The following ADAMTSL1 variants were observed in gnomAD, a reference collection of about 807,000 sequenced individuals.
ADAMTSL1 encodes the protein ADAMTS-like protein 1.
Under a neutral mutation model 201.8 loss-of-function variants are expected in ADAMTSL1, and 126 were observed. The ratio of observed to expected loss-of-function variants is 0.62; its 90% CI spans 0.54 to 0.72. The LOEUF is 0.72. ADAMTSL1 is among the 30% of genes least tolerant of loss of function. The pLI is 0.00. For synonymous variants in ADAMTSL1, 1,121 were observed against 903.4 expected, an observed-to-expected ratio of 1.24 and a Z score of -4.32; for missense variants, 2,679 against 2,277.8, an observed-to-expected ratio of 1.18 and a Z score of -3.59.
intron 2 of ADAMTSL1, among the ~76,000 whole-genome samples, chr9:18,271,470 C>T (rs1318184676): frequency 9.9e-5 from 15 of 152,126 alleles, no homozygotes; most frequent in Non-Finnish European, 1.6e-4. Context: ...ATGATGGTTT[C>T]CAGCTTCATC....
intron 2 of ADAMTSL1, among the ~76,000 whole-genome samples, chr9:18,191,519 A>G (rs1828970637): frequency 2.0e-5 from 3 of 152,194 alleles, no homozygotes; most frequent in Admixed American, 1.3e-4. Flanking sequence ...GCCTAATGAA[A>G]GTGGCCTGTT....
chr9:18,584,040 G>A (rs962341309), intron 4 of ADAMTSL1, among the ~76,000 whole-genome samples: 1 of 152,162 alleles, frequency 6.6e-6, no homozygotes, highest in African/African-American at 2.4e-5. Context: ...AAGACTTTGG[G>A]GGACTGTTGA....
At chr9:18,220,582 C>G (rs549801784) in intron 2 of ADAMTSL1, among the ~76,000 whole-genome samples, 1 of 152,166 alleles carries the variant, frequency 6.6e-6, no homozygotes, top group South Asian at 2.1e-4. Context: ...AATTCTTTAA[C>G]TGGTAAACTT....
chr9:17,943,542 A>C (rs1328940948), intron 1 of ADAMTSL1, among the ~76,000 whole-genome samples: 1 of 152,112 alleles, frequency 6.6e-6, no homozygotes, highest in Non-Finnish European at 1.5e-5. Context: ...TGATCTGGGC[A>C]TAGACACACT....
intron 1 of ADAMTSL1, among the ~76,000 whole-genome samples, chr9:17,917,315 T>G (rs1277930057): frequency 6.6e-6 from 1 of 152,138 alleles, no homozygotes; most frequent in African/African-American, 2.4e-5. Flanking sequence ...TGAACAGATA[T>G]CCTTGTCTTG....
chr9:18,906,588 T>A (rs1477985148), intron 27 of ADAMTSL1, 104 bp from the exon 28 acceptor site: 6 of 961,410 alleles, frequency 6.2e-6, no homozygotes, highest in Non-Finnish European at 9.1e-6. Flanking sequence ...TGAAAGTTCT[T>A]GAGGAACCAC....
chr9:18,825,437 C>G (rs1824485831), intron 21 of ADAMTSL1, among the ~76,000 whole-genome samples: 1 of 152,170 alleles, frequency 6.6e-6, no homozygotes, highest in Non-Finnish European at 1.5e-5. Flanking sequence ...ACTACCATTT[C>G]ATGTTCTCTT....
chr9:18,348,872 C>T (rs907721788), intron 2 of ADAMTSL1, among the ~76,000 whole-genome samples: 5 of 152,146 alleles, frequency 3.3e-5, no homozygotes, highest in African/African-American at 9.7e-5. Context: ...TGATATAAAA[C>T]ATAACTCCTA....
At chr9:18,055,445 C>A (rs962968014) in intron 1 of ADAMTSL1, among the ~76,000 whole-genome samples, 3 of 152,190 alleles carry the variant, frequency 2.0e-5, no homozygotes, top group Non-Finnish European at 4.4e-5. Flanking sequence ...TTAAAGTCTT[C>A]TCTTGGAAAC....
chr9:18,760,182 G>A (rs1185923396), intron 16 of ADAMTSL1, among the ~76,000 whole-genome samples: 1 of 152,270 alleles, frequency 6.6e-6, no homozygotes, highest in Admixed American at 6.5e-5. Context: ...GGAAACTTGA[G>A]CCATTATGAG....
At chr9:18,482,429 CA>C (rs1196143856) in intron 1 of ADAMTSL1, among the ~76,000 whole-genome samples, 2 of 152,186 alleles carry the variant, frequency 1.3e-5, no homozygotes, top group Non-Finnish European at 2.9e-5. Context: ...AAGCTTCTGC[CA>C]TTCTCCAGCT....
In ADAMTSL1 at chr9:18,910,617, A is replaced by G. The variant is rs577094340; in HGVS notation, c.*2069A>G. The G allele has an allele frequency of 1.3e-5, 2 of 152,338 alleles. No individual in the cohort carries two copies. Among genetic ancestry groups the G allele is most frequent in the East Asian group, 1.9e-4 (1 of 5,180 alleles). The allele number at this position is 152,338 out of a possible 1,614,324, so 9.4% of individuals were successfully genotyped here. A position where few individuals can be genotyped will look rare whatever the true frequency, so the allele number is the denominator to read the frequency against. ...AAAGACAGACAAATTCCATACTACT[A>G]CTAATGTGGTTAATTATTTCTAGTT... On this transcript the variant is annotated 3_prime_UTR_variant, in exon 29 of 29. Transcript: ENST00000380548.
intron 1 of ADAMTSL1, among the ~76,000 whole-genome samples, chr9:18,140,966 G>A (rs1341142138): frequency 2.0e-5 from 3 of 152,184 alleles, no homozygotes; most frequent in Non-Finnish European, 4.4e-5. Context: ...TGGCCACCAA[G>A]TATTTGGTGA....
At chr9:18,201,675 A>C (rs1279480701) in intron 2 of ADAMTSL1, among the ~76,000 whole-genome samples, 1 of 152,144 alleles carries the variant, frequency 6.6e-6, no homozygotes, top group Non-Finnish European at 1.5e-5. Flanking sequence ...ACAAGAATAA[A>C]ACCATTTTAC....
chr9:18,774,083 C>T (rs1338868332), intron 17 of ADAMTSL1, among the ~76,000 whole-genome samples: 1 of 152,098 alleles, frequency 6.6e-6, no homozygotes, highest in Non-Finnish European at 1.5e-5. Flanking sequence ...TGTTTTTTAA[C>T]CATCATTTTT....
chr9:18,517,878 A>C (rs1039059307), intron 2 of ADAMTSL1, among the ~76,000 whole-genome samples: 2 of 152,194 alleles, frequency 1.3e-5, no homozygotes, highest in Admixed American at 1.3e-4. Flanking sequence ...GATTTTAATC[A>C]GGTTTCTTGT....
At chr9:18,349,374 T>C (rs191500205) in intron 2 of ADAMTSL1, among the ~76,000 whole-genome samples, 4 of 152,238 alleles carry the variant, frequency 2.6e-5, no homozygotes, top group Non-Finnish European at 4.4e-5. Flanking sequence ...GTGTAGCTCT[T>C]AAGGAAGTTC....
intron 1 of ADAMTSL1, among the ~76,000 whole-genome samples, chr9:17,985,168 A>G (rs2772695): frequency 0.82 from 124,284 of 152,116 alleles, 51,033 homozygotes; most frequent in East Asian, 0.92. Context: ...TCACTCTGAC[A>G]TCTTTCTCTT....
rs33961485 is a variant in ADAMTSL1 at position 17,922,087 on chromosome 9, CTT to C, written c.87+15177_87+15178del. 7.0e-3 allele frequency among the ~76,000 whole-genome samples: 1,012 copies of C among 144,708 alleles called. 11 individuals are homozygous for C. Among genetic ancestry groups the C allele is most frequent in the African/African-American group, 0.023 (905 of 39,596 alleles). The allele number at this position is 144,708 out of a possible 152,430, so 94.9% of individuals were successfully genotyped here. A position where few individuals can be genotyped will look rare whatever the true frequency, so the allele number is the denominator to read the frequency against. On this transcript the variant is annotated intron_variant, in intron 1 of 29. Coordinates refer to the ADAMTSL1 transcript ENST00000680146. ...CTCTAAGGTGTGATTGCAGTTCAGGCTTTTTTTTTTTTTGTGGTGGAGAATGG... is the reference window on the plus strand; with the variant it reads ...CTCTAAGGTGTGATTGCAGTTCAGGCTTTTTTTTTTTGTGGTGGAGAATGG...
Sources: allele counts gnomAD v4.1 joint callset (sites outside exome capture counted in the v4.1 genomes callset), GRCh38; gene constraint gnomAD v4.1.1; transcripts MANE v1.5; gene names NCBI Gene and HGNC (gene_info 2026-07-23, HGNC 2026-07-21).